The following CDH4 variants were observed in gnomAD, a reference collection of about 807,000 sequenced individuals.
The protein encoded by CDH4 is cadherin-4.
In CDH4, 33 loss-of-function variants were observed where a neutral mutation model predicts 86.0. The ratio of observed to expected loss-of-function variants is 0.38; its 90% CI spans 0.29 to 0.51. The LOEUF (loss-of-function observed/expected upper bound fraction) is 0.51. Among genes scored for constraint, CDH4 ranks in the 20% least tolerant of loss-of-function variants. The pLI is 0.86. For missense variants in CDH4, 1,114 were observed against 1,307.4 expected, an observed-to-expected ratio of 0.85 and a Z score of 2.28; for synonymous variants, 555 against 549.4, an observed-to-expected ratio of 1.01 and a Z score of -0.14.
chr20:61,312,226 GGT>G (rs1177288485), intron 2 of CDH4, among the ~76,000 whole-genome samples: 4 of 150,670 alleles, frequency 2.7e-5, no homozygotes, highest in African/African-American at 9.8e-5. Context: ...GTGTGTGTGT[GGT>G]GTGTGCATGT....
chr20:61,803,273 C>T (rs1164345065), intron 4 of CDH4, among the ~76,000 whole-genome samples: 1 of 152,164 alleles, frequency 6.6e-6, no homozygotes, highest in Non-Finnish European at 1.5e-5. Flanking sequence ...TCCGCCCGGG[C>T]TGGCAGTTAG....
intron 2 of CDH4, among the ~76,000 whole-genome samples, chr20:61,458,140 G>A (rs2085419817): frequency 1.3e-5 from 2 of 151,632 alleles, no homozygotes; most frequent in African/African-American, 4.8e-5. Flanking sequence ...TGGTGGTGAT[G>A]GTTATGGTCA....
chr20:61,729,724 G>T (rs2088155963), intron 2 of CDH4, among the ~76,000 whole-genome samples: 1 of 152,244 alleles, frequency 6.6e-6, no homozygotes, highest in Non-Finnish European at 1.5e-5. Flanking sequence ...ATGTTGGCTG[G>T]CTTTTCTTAG....
intron 2 of CDH4, among the ~76,000 whole-genome samples, chr20:61,534,146 A>T (rs1238302746): frequency 6.6e-6 from 1 of 152,214 alleles, no homozygotes; most frequent in African/African-American, 2.4e-5. Context: ...TCCAGCTGGA[A>T]ATATTGATTT....
intron 2 of CDH4, among the ~76,000 whole-genome samples, chr20:61,369,610 G>A (rs925996285): frequency 6.6e-6 from 1 of 152,008 alleles, no homozygotes; most frequent in African/African-American, 2.4e-5. Context: ...ATGGAAGGAT[G>A]TATTAGAGAT....
At chr20:61,625,338 G>C (rs756675860) in intron 2 of CDH4, among the ~76,000 whole-genome samples, 24 of 151,608 alleles carry the variant, frequency 1.6e-4, no homozygotes, top group Non-Finnish European at 2.1e-4. Context: ...TATTTAAGGA[G>C]TTTTTTTTTC....
chr20:61,795,826 C>CATGAGTGAATGAATGG (rs1555839789), intron 4 of CDH4, among the ~76,000 whole-genome samples: 1 of 30,698 alleles, frequency 3.3e-5, no homozygotes, highest in Non-Finnish European at 6.2e-5. Flanking sequence ...AGCAATGTTG[C>CATGAGTGAATGAATGG]ATGAGTGAAT....
In CDH4 at chr20:61,751,703, C is replaced by T. The variant is rs960415360; in HGVS notation, c.396+7914C>T. Among the ~76,000 whole-genome samples, 13 of 152,302 alleles carry T rather than the reference C, an allele frequency of 8.5e-5. No homozygotes were observed. The East Asian group carries it at 1.7e-3, about 20-fold the overall frequency. On this transcript the variant is annotated intron_variant, in intron 3 of 15. Transcript: ENST00000614565. ...TTAAAGGGTTATGTAAGTACCTATA[C>T]GATGTCCTCAATTTTGCCCCTTAAC...
intron 2 of CDH4, among the ~76,000 whole-genome samples, chr20:61,350,724 G>A (rs1376474615): frequency 2.0e-5 from 3 of 151,958 alleles, no homozygotes; most frequent in African/African-American, 4.8e-5. Context: ...CCCCCCCCCA[G>A]TGCTAACTGC....
chr20:61,542,383 G>A lies in CDH4; in HGVS notation c.170-201180G>A, dbSNP rs576115751. 2.0e-5 allele frequency among the ~76,000 whole-genome samples: 3 copies of A among 152,270 alleles called. No homozygotes were observed. The South Asian group carries it at 6.2e-4, about 32-fold the overall frequency. On this transcript the variant is annotated intron_variant, in intron 2 of 15. Transcript: ENST00000614565. ...GTTCTCAGTCCCTCCCGCAGCCTCT[G>A]AGAGAGGGTTTCTCACATTATCTCT...
At chr20:61,366,513 A>G (rs1186993981) in intron 2 of CDH4, among the ~76,000 whole-genome samples, 4 of 152,232 alleles carry the variant, frequency 2.6e-5, no homozygotes, top group Non-Finnish European at 4.4e-5. Context: ...ACAGAGATTT[A>G]CCCACGTATT....
chr20:61,494,422 A>G (rs1484600371), intron 2 of CDH4, among the ~76,000 whole-genome samples: 3 of 152,228 alleles, frequency 2.0e-5, no homozygotes, highest in African/African-American at 7.2e-5. Context: ...ATTGTTATCC[A>G]TTATCCTTTC....
chr20:61,646,118 G>C (rs750927675), intron 2 of CDH4, among the ~76,000 whole-genome samples: 2 of 152,138 alleles, frequency 1.3e-5, no homozygotes, highest in Non-Finnish European at 2.9e-5. Context: ...ACCAGGCTTG[G>C]AATCATACCC....
chr20:61,898,625 G>A (rs1985241764), intron 8 of CDH4, among the ~76,000 whole-genome samples: 1 of 152,160 alleles, frequency 6.6e-6, no homozygotes, highest in Non-Finnish European at 1.5e-5. Flanking sequence ...CGGAGGGGGG[G>A]TCCCCTGGAG....
chr20:61,851,071 T>C (rs1982701984), intron 5 of CDH4, among the ~76,000 whole-genome samples: 1 of 152,204 alleles, frequency 6.6e-6, no homozygotes, highest in African/African-American at 2.4e-5. Flanking sequence ...AGGACGGAGC[T>C]GCAGATGGGT....
chr20:61,662,851 T>C (rs989257164), intron 2 of CDH4, among the ~76,000 whole-genome samples: 5 of 152,084 alleles, frequency 3.3e-5, no homozygotes, highest in African/African-American at 4.8e-5. Context: ...CCTATCTCCA[T>C]GTCCGCCTAC....
rs79039942 is a variant in CDH4, at chr20:61,398,251, C to G, written c.169+143314C>G. On this transcript the variant is annotated intron_variant, in intron 2 of 15. Transcript: ENST00000614565. ...TTCTGCATTATGGTAGATTTGCATTCTAGATTTCTTCAGCTTATGCACGGA... is the reference window on the plus strand; with the variant it reads ...TTCTGCATTATGGTAGATTTGCATTGTAGATTTCTTCAGCTTATGCACGGA... Among the ~76,000 whole-genome samples, 863 of 152,316 alleles carry G rather than the reference C, an allele frequency of 5.7e-3. 10 individuals carry two copies. Among genetic ancestry groups the G allele is most frequent in the African/African-American group, 0.02 (818 of 41,568 alleles).
intron 2 of CDH4, among the ~76,000 whole-genome samples, chr20:61,685,758 CCA>C (rs1190409608): frequency 6.6e-6 from 1 of 152,254 alleles, no homozygotes; most frequent in Non-Finnish European, 1.5e-5. Context: ...CTCCTGGACT[CCA>C]GTCCTCACGG....
intron 2 of CDH4, among the ~76,000 whole-genome samples, chr20:61,508,072 C>T (rs927753376): frequency 1.3e-5 from 2 of 152,226 alleles, no homozygotes; most frequent in South Asian, 4.1e-4. Flanking sequence ...TTCAAGTTTG[C>T]TGCGTGCATT....
Sources: gnomAD v4.1 joint callset for allele counts (sites outside exome capture counted in the v4.1 genomes callset) on GRCh38, gnomAD v4.1.1 for gene constraint, MANE v1.5 for transcripts, NCBI Gene and HGNC (gene_info 2026-07-23, HGNC 2026-07-21) for gene names.